The following ATP8B4 variants were observed in gnomAD, a reference collection of about 807,000 sequenced individuals.
ATP8B4 encodes the protein ATPase phospholipid transporting 8B4 (putative).
ATP8B4 carries 133 observed loss-of-function variants against 145.6 expected under a neutral mutation model. The ratio of observed to expected loss-of-function variants is 0.91; its 90% CI spans 0.79 to 1.05. The LOEUF is 1.05. Ranked by LOEUF, ATP8B4 falls within the 50% of genes least tolerant of loss-of-function variation. The pLI, the probability that ATP8B4 is intolerant of heterozygous loss-of-function variation, is 0.00. For synonymous variants in ATP8B4, 507 were observed against 492.9 expected (o/e 1.03, Z -0.38); for missense variants, 1,458 against 1,425.2 (o/e 1.02, Z -0.37).
chr15:49,866,202 G>C (rs141650631), intron 26 of ATP8B4, 144 bp downstream of exon 26: 2 of 1,169,666 alleles, frequency 1.7e-6, no homozygotes, highest in Non-Finnish European at 2.4e-6. Context: ...TTTTAAACTC[G>C]GAAGCCTTCA....
intron 1 of ATP8B4, among the ~76,000 whole-genome samples, chr15:50,175,098 G>C (rs1244337554): frequency 6.6e-6 from 1 of 152,172 alleles, no homozygotes; most frequent in Non-Finnish European, 1.5e-5. Context: ...GCCACATGTA[G>C]AAGAATGAAA....
chr15:50,087,094 TAATA>T (rs573599748), intron 2 of ATP8B4, among the ~76,000 whole-genome samples: 2,370 of 96,362 alleles, frequency 0.025, 135 homozygotes, highest in African/African-American at 0.11. Flanking sequence ...ATATTATATA[TAATA>T]AATATAGATT....
At chr15:50,052,554 G>A (rs2052270849) in intron 3 of ATP8B4, among the ~76,000 whole-genome samples, 1 of 152,240 alleles carries the variant, frequency 6.6e-6, no homozygotes, top group Non-Finnish European at 1.5e-5. Flanking sequence ...AAGATGAGCT[G>A]AGGCCCATTA....
At chr15:50,038,940 T>C in intron 5 of ATP8B4, 111 bp from the exon 6 acceptor site, 4 of 908,762 alleles carry the variant, frequency 4.4e-6, no homozygotes, top group Non-Finnish European at 5.3e-6. Context: ...TTGTCACTGG[T>C]CTAAGATGAC....
chr15:49,948,558 T>C (rs540679392), intron 14 of ATP8B4, among the ~76,000 whole-genome samples: 1 of 151,960 alleles, frequency 6.6e-6, no homozygotes, highest in African/African-American at 2.4e-5. Context: ...TACTAGCCTG[T>C]TGAGCTTTTT....
chr15:49,864,509 A>C (rs913693455), intron 26 of ATP8B4, among the ~76,000 whole-genome samples: 2 of 152,160 alleles, frequency 1.3e-5, no homozygotes, highest in African/African-American at 4.8e-5. Flanking sequence ...CACACTAGAG[A>C]TTTCAAAACC....
chr15:50,034,317 C>T (rs1293225862), intron 6 of ATP8B4, among the ~76,000 whole-genome samples: 2 of 150,156 alleles, frequency 1.3e-5, no homozygotes, highest in African/African-American at 4.9e-5. Flanking sequence ...TGCAACCTCC[C>T]CCTCTGGGTT....
chr15:49,988,409 G>A (rs2046802200), intron 9 of ATP8B4, among the ~76,000 whole-genome samples: 1 of 151,936 alleles, frequency 6.6e-6, no homozygotes, highest in Non-Finnish European at 1.5e-5. Flanking sequence ...TATATATAAT[G>A]AGTACAAAGA....
At chr15:49,923,549 T>C (rs1434062664) in intron 16 of ATP8B4, 55 bp from the exon 17 acceptor site, 3 of 1,260,650 alleles carry the variant, frequency 2.4e-6, no homozygotes, top group Non-Finnish European at 3.4e-6. Context: ...TACATCAAAA[T>C]TAGATTCTCC....
At chr15:49,952,976 T>C (rs534195476) in intron 14 of ATP8B4, among the ~76,000 whole-genome samples, 2 of 152,254 alleles carry the variant, frequency 1.3e-5, no homozygotes, top group Non-Finnish European at 1.5e-5. Flanking sequence ...TCTGCAGGGC[T>C]GCTGCAGTTT....
At chr15:50,157,525 TTAAC>T (rs1412206022) in intron 1 of ATP8B4, among the ~76,000 whole-genome samples, 2 of 152,236 alleles carry the variant, frequency 1.3e-5, no homozygotes, top group African/African-American at 4.8e-5. Flanking sequence ...TGTACAGTGA[TTAAC>T]TGAGATTTTA....
chr15:50,053,285 G>A (rs1461545148), intron 3 of ATP8B4, among the ~76,000 whole-genome samples: 1 of 152,208 alleles, frequency 6.6e-6, no homozygotes, highest in Non-Finnish European at 1.5e-5. Context: ...GACACAGCTT[G>A]TAAGTGGTGA....
intron 2 of ATP8B4, among the ~76,000 whole-genome samples, chr15:50,075,460 C>G (rs1232939203): frequency 6.6e-6 from 1 of 152,148 alleles, no homozygotes; most frequent in African/African-American, 2.4e-5. Context: ...GACACTCTGT[C>G]TTTGGTTATG....
intron 7 of ATP8B4, among the ~76,000 whole-genome samples, chr15:50,010,367 T>C (rs1019639952): frequency 1.3e-5 from 2 of 152,070 alleles, no homozygotes; most frequent in African/African-American, 2.4e-5. Context: ...TAACATGTTA[T>C]TAATTCAGCA....
chr15:50,047,533 C>G lies in ATP8B4; in HGVS notation c.88-69G>C. On this transcript the variant is annotated intron_variant, in intron 3 of 27. Coordinates refer to ENST00000284509, the MANE Select transcript of ATP8B4 (RefSeq NM_024837.4). Reference sequence around the variant, plus strand: ...CTCATGATCAGAAATAGCTCTAAAACCTACAAGCCTGAGCCAGAGTAAGAA... The same window carrying G: ...CTCATGATCAGAAATAGCTCTAAAAGCTACAAGCCTGAGCCAGAGTAAGAA... The G allele has an allele frequency of 4.2e-6, 4 of 954,118 alleles. No individual in the cohort carries two copies. The South Asian group carries it at 5.5e-5, about 13-fold the overall frequency. 59.1% of individuals were successfully genotyped at this position (954,118 alleles called of 1,614,324 possible). A position where few individuals can be genotyped will look rare whatever the true frequency, so the allele number is the denominator to read the frequency against.
At chr15:50,004,560 T>C (rs1359173564) in intron 7 of ATP8B4, among the ~76,000 whole-genome samples, 1 of 152,174 alleles carries the variant, frequency 6.6e-6, no homozygotes, top group Non-Finnish European at 1.5e-5. Context: ...TGTTTATGAT[T>C]CCAAATAACG....
At chr15:50,080,020 C>A (rs923578825) in intron 2 of ATP8B4, among the ~76,000 whole-genome samples, 1 of 152,166 alleles carries the variant, frequency 6.6e-6, no homozygotes, top group Non-Finnish European at 1.5e-5. Flanking sequence ...TTCTAGTGAT[C>A]CAAGATAACA....
Position 50,081,575 on chromosome 15 carries a change from C to T in ATP8B4, c.29-7390G>A, listed in dbSNP as rs369756349. Among the ~76,000 whole-genome samples the T allele has an allele frequency of 3.3e-5, 5 of 152,314 alleles. 1 individual carries two copies. Among genetic ancestry groups the T allele is most frequent in the Admixed American group, 1.3e-4 (2 of 15,308 alleles). On this transcript the variant is annotated intron_variant, in intron 2 of 27. Coordinates refer to ENST00000284509, the MANE Select transcript of ATP8B4 (RefSeq NM_024837.4). ...ATATAATAAATTATACATTATCCAA[C>T]TTCCACTTCCAGTAGGCAAAAGAAA...
chr15:49,936,734 G>A (rs1210515183), intron 14 of ATP8B4, among the ~76,000 whole-genome samples: 3 of 151,040 alleles, frequency 2.0e-5, no homozygotes, highest in African/African-American at 7.4e-5. Context: ...TTTTTTGGTT[G>A]TTTGTTTGTT....
Sources: gnomAD v4.1 joint callset for allele counts (sites outside exome capture counted in the v4.1 genomes callset) on GRCh38, gnomAD v4.1.1 for gene constraint, MANE v1.5 for transcripts, NCBI Gene and HGNC (gene_info 2026-07-23, HGNC 2026-07-21) for gene names.